Variants in ILDR1 observed in about 807,000 individuals in gnomAD.
ILDR1 encodes the protein immunoglobulin-like domain-containing receptor 1.
A neutral mutation model predicts 62.4 loss-of-function variants in ILDR1; 56 were observed. That is an observed-to-expected ratio of 0.90 (90% CI 0.72 to 1.12). The LOEUF (loss-of-function observed/expected upper bound fraction) is 1.12. ILDR1 is among the 50% of genes most tolerant of loss of function. ILDR1 has a pLI of 0.00. For synonymous variants in ILDR1, 284 were observed against 277.8 expected (o/e 1.02, Z -0.22); for missense variants, 736 against 710.6 (o/e 1.04, Z -0.41).
intron 5 of ILDR1, among the ~76,000 whole-genome samples, chr3:121,998,664 C>T (rs2071472852): frequency 6.6e-6 from 1 of 152,146 alleles, no homozygotes; most frequent in Admixed American, 6.5e-5. Context: ...CCTAGGGAGT[C>T]TAAGCAGGCA....
chr3:122,049,047 G>A, the ILDR1 span, among the ~76,000 whole-genome samples: 33 of 152,156 alleles, frequency 2.2e-4, no homozygotes, highest in African/African-American at 6.7e-4. Flanking sequence ...TATGTTTATT[G>A]TTATCAACTT....
intron 1 of ILDR1, 99 bp downstream of exon 1, chr3:122,021,921 G>A: frequency 8.5e-7 from 1 of 1,181,226 alleles, no homozygotes; most frequent in Non-Finnish European, 1.2e-6. Context: ...CGCGGCCCAG[G>A]CCTCCACTGC....
chr3:122,003,242 T>C (rs2071554829), intron 3 of ILDR1, among the ~76,000 whole-genome samples: 1 of 152,240 alleles, frequency 6.6e-6, no homozygotes, highest in African/African-American at 2.4e-5. Context: ...CTTTATTATC[T>C]GTTTGTCAAG....
At chr3:122,010,790 G>A (rs2071691953) in intron 1 of ILDR1, among the ~76,000 whole-genome samples, 1 of 152,212 alleles carries the variant, frequency 6.6e-6, no homozygotes, top group Non-Finnish European at 1.5e-5. Flanking sequence ...CCGATGAGAA[G>A]AGAGAGGAAA....
Position 122,022,211 on chromosome 3 carries a change from G to T in ILDR1, c.-134C>A. The stretch of plus-strand genomic sequence containing the variant: ...TTCCCCTCCCTCGGCGCAGCGGGGA[G>T]GGAGCGTCCGCTCTGGTCCCGGGGC... On this transcript the variant is annotated 5_prime_UTR_variant, in exon 1 of 8. Transcript: ENST00000344209. 2.6e-6 allele frequency: 2 copies of T among 763,548 alleles called. No homozygotes were observed. The highest frequency in any genetic ancestry group is 4.2e-6 in the Non-Finnish European group (2 of 481,006). 47.3% of individuals were successfully genotyped at this position (763,548 alleles called of 1,614,324 possible). A position where few individuals can be genotyped will look rare whatever the true frequency, so the allele number is the denominator to read the frequency against.
At chr3:122,038,985 A>C in the ILDR1 span, among the ~76,000 whole-genome samples, 1 of 152,130 alleles carries the variant, frequency 6.6e-6, no homozygotes, top group Non-Finnish European at 1.5e-5. Flanking sequence ...AAAAAATAAA[A>C]TTTTGAAAAA....
At chr3:121,995,573 G>A (rs895244988) in intron 5 of ILDR1, among the ~76,000 whole-genome samples, 1 of 152,150 alleles carries the variant, frequency 6.6e-6, no homozygotes, top group Non-Finnish European at 1.5e-5. Flanking sequence ...GTGAGTCACA[G>A]CCTAGCCTGG....
At chr3:121,992,185 G>A (rs1341410418) in intron 7 of ILDR1, among the ~76,000 whole-genome samples, 3 of 152,082 alleles carry the variant, frequency 2.0e-5, no homozygotes, top group African/African-American at 7.2e-5. Flanking sequence ...CACCCAGGCT[G>A]GAGTGCAATG....
intron 1 of ILDR1, among the ~76,000 whole-genome samples, chr3:122,013,889 G>T (rs895186088): frequency 5.9e-5 from 9 of 152,022 alleles, no homozygotes; most frequent in Admixed American, 1.3e-4. Flanking sequence ...TGTTTGACAC[G>T]GTATTGGGTG....
the ILDR1 span, among the ~76,000 whole-genome samples, chr3:122,033,602 T>G: frequency 6.6e-6 from 1 of 152,204 alleles, no homozygotes; most frequent in Non-Finnish European, 1.5e-5. Flanking sequence ...TTTTCTTTAG[T>G]ATCTCCTAAT....
At chr3:122,052,861 G>A in the ILDR1 span, among the ~76,000 whole-genome samples, 11 of 152,112 alleles carry the variant, frequency 7.2e-5, no homozygotes, top group African/African-American at 2.7e-4. Flanking sequence ...GAGCCACCGC[G>A]CCCGGCCAAA....
At chr3:122,019,090 A>G (rs1469439930) in intron 1 of ILDR1, among the ~76,000 whole-genome samples, 1 of 152,166 alleles carries the variant, frequency 6.6e-6, no homozygotes, top group African/African-American at 2.4e-5. Flanking sequence ...GAAATGACAC[A>G]CATCCTTTTA....
chr3:122,045,696 C>T, the ILDR1 span, among the ~76,000 whole-genome samples: 2 of 151,422 alleles, frequency 1.3e-5, no homozygotes, highest in Non-Finnish European at 2.9e-5. Context: ...CTCTTTTGAT[C>T]TTTGTTGGTT....
At chr3:121,991,215 G>A (rs1023452041) in intron 7 of ILDR1, among the ~76,000 whole-genome samples, 11 of 151,758 alleles carry the variant, frequency 7.2e-5, no homozygotes, top group Non-Finnish European at 2.9e-5. Flanking sequence ...AAAAAAAAAA[G>A]AAAGCCTGGA....
the ILDR1 span, chr3:122,055,291 C>A: frequency 5.3e-6 from 3 of 568,300 alleles, no homozygotes; most frequent in East Asian, 8.5e-5. Flanking sequence ...ATTTCTTCCT[C>A]AAGTGTGGTC....
At chr3:122,056,409 A>G in the ILDR1 span, among the ~76,000 whole-genome samples, 50 of 152,134 alleles carry the variant, frequency 3.3e-4, no homozygotes, top group Non-Finnish European at 4.6e-4. Context: ...ATCTCAGCTC[A>G]CTGCAACCTC....
chr3:122,047,704 G>C, the ILDR1 span, among the ~76,000 whole-genome samples: 1 of 152,196 alleles, frequency 6.6e-6, no homozygotes, highest in Admixed American at 6.5e-5. Flanking sequence ...CCCTTTCTTT[G>C]ACTCAGAAAG....
At chr3:122,030,619 G>GGT in the ILDR1 span, among the ~76,000 whole-genome samples, 6 of 131,990 alleles carry the variant, frequency 4.5e-5, no homozygotes, top group Non-Finnish European at 6.5e-5. Context: ...AGAGGCAAGG[G>GGT]TTTTTCTCTC....
upstream of ILDR1, among the ~76,000 whole-genome samples, chr3:122,023,588 CCTT>C (rs1490815949): frequency 1.3e-5 from 2 of 152,136 alleles, no homozygotes; most frequent in Non-Finnish European, 2.9e-5. Flanking sequence ...AGAGGAGCAT[CCTT>C]GTCCTAGATC....
Sources: gnomAD v4.1 joint callset for allele counts (sites outside exome capture counted in the v4.1 genomes callset) on GRCh38, gnomAD v4.1.1 for gene constraint, MANE v1.5 for transcripts, NCBI Gene and HGNC (gene_info 2026-07-23, HGNC 2026-07-21) for gene names.